Variants in DLGAP2 observed in about 807,000 individuals in gnomAD.
DLGAP2 encodes DLG associated protein 2.
A neutral mutation model predicts 100.3 loss-of-function variants in DLGAP2; 26 were observed. The observed-to-expected ratio is 0.26, with a 90% CI of 0.19 to 0.36. The LOEUF (loss-of-function observed/expected upper bound fraction) is 0.36. DLGAP2 is among the 10% of genes least tolerant of loss of function. The probability of loss-of-function intolerance (pLI) is 1.00; values close to 1 mark genes in which losing one functional copy is unlikely to be tolerated. For missense variants in DLGAP2, 1,858 were observed against 1,453.2 expected, an observed-to-expected ratio of 1.28 and a Z score of -4.53; for synonymous variants, 886 against 630.1, an observed-to-expected ratio of 1.41 and a Z score of -6.08.
At chr8:1,305,652 C>G (rs1800472607) in intron 3 of DLGAP2, among the ~76,000 whole-genome samples, 1 of 152,144 alleles carries the variant, frequency 6.6e-6, no homozygotes, top group Non-Finnish European at 1.5e-5. Flanking sequence ...CACTGAAAAC[C>G]TACCATAAAC....
intron 2 of DLGAP2, among the ~76,000 whole-genome samples, chr8:1,007,667 C>A (rs1248214301): frequency 6.0e-5 from 9 of 150,828 alleles, no homozygotes; most frequent in Non-Finnish European, 1.2e-4. Flanking sequence ...TCAACTGGCT[C>A]TGTCGTCCAT....
chr8:1,303,793 C>G (rs1421715793), intron 3 of DLGAP2, among the ~76,000 whole-genome samples: 2 of 152,164 alleles, frequency 1.3e-5, no homozygotes, highest in African/African-American at 2.4e-5. Flanking sequence ...GCATCCGGTG[C>G]TCGTCCAGCC....
intron 2 of DLGAP2, among the ~76,000 whole-genome samples, chr8:1,239,942 AT>A (rs1798747318): frequency 7.4e-6 from 1 of 135,306 alleles, no homozygotes; most frequent in Admixed American, 7.5e-5. Flanking sequence ...GTTCTCTCAC[AT>A]GTTGCCGTGT....
intron 3 of DLGAP2, among the ~76,000 whole-genome samples, chr8:1,462,834 C>T (rs1284149635): frequency 6.6e-6 from 1 of 152,236 alleles, no homozygotes; most frequent in African/African-American, 2.4e-5. Flanking sequence ...GCGGCGGCTT[C>T]TGATTTCTAG....
At chr8:1,349,868 TAC>T (rs1384656040) in intron 3 of DLGAP2, among the ~76,000 whole-genome samples, 1 of 152,284 alleles carries the variant, frequency 6.6e-6, no homozygotes, top group Non-Finnish European at 1.5e-5. Context: ...GTACCTCAGT[TAC>T]ATTGTATAGA....
intron 2 of DLGAP2, among the ~76,000 whole-genome samples, chr8:1,209,843 A>G (rs1411202756): frequency 2.0e-5 from 3 of 152,146 alleles, no homozygotes; most frequent in Non-Finnish European, 4.4e-5. Flanking sequence ...GGACTCTTCC[A>G]CAGAAGCCAC....
intron 1 of DLGAP2, among the ~76,000 whole-genome samples, chr8:905,881 C>T (rs369566193): frequency 2.5e-3 from 350 of 142,382 alleles, no homozygotes; most frequent in African/African-American, 8.7e-3. Flanking sequence ...CCAATACTGT[C>T]GCCACTGCAC....
chr8:977,834 C>T (rs1293531854), intron 2 of DLGAP2, among the ~76,000 whole-genome samples: 9 of 35,668 alleles, frequency 2.5e-4, no homozygotes, highest in African/African-American at 6.9e-4. Context: ...GTGGGGAGGG[C>T]GTCGGGGATG....
At chr8:1,314,352 G>T (rs547217644) in intron 3 of DLGAP2, among the ~76,000 whole-genome samples, 1 of 152,156 alleles carries the variant, frequency 6.6e-6, no homozygotes, top group Admixed American at 6.6e-5. Context: ...TGATTTTGCC[G>T]TCGCACTGTT....
chr8:1,598,096 G>A (rs972688104), intron 6 of DLGAP2, among the ~76,000 whole-genome samples: 2 of 152,150 alleles, frequency 1.3e-5, no homozygotes, highest in African/African-American at 4.8e-5. Flanking sequence ...TTTATTGCAG[G>A]CCTTCTCTAC....
chr8:1,188,496 C>G (rs1019808951), intron 2 of DLGAP2, among the ~76,000 whole-genome samples: 1 of 124,242 alleles, frequency 8.0e-6, no homozygotes, highest in Non-Finnish European at 1.5e-5. Context: ...GTTTCCCTCA[C>G]GGAATCTCAC....
At chr8:1,364,957 C>G (rs1171849829) in intron 3 of DLGAP2, among the ~76,000 whole-genome samples, 2 of 152,190 alleles carry the variant, frequency 1.3e-5, no homozygotes, top group East Asian at 3.9e-4. Flanking sequence ...AGACTGGGCA[C>G]AGGGCCCCAC....
intron 3 of DLGAP2, among the ~76,000 whole-genome samples, chr8:1,465,036 C>A (rs891492253): frequency 6.6e-6 from 1 of 152,248 alleles, no homozygotes; most frequent in Non-Finnish European, 1.5e-5. Flanking sequence ...TCCCCACCAC[C>A]CAGCAGGTGA....
In DLGAP2 at chr8:856,522, AG is replaced by A. The variant is rs770227643; in HGVS notation, c.19-51389del. Reference sequence around the variant, plus strand: ...TCTTCTGAAACTAATAAACAGTTTTAGCAGGGTTTTAGAATACAGGGTTAAT... The same window carrying A: ...TCTTCTGAAACTAATAAACAGTTTTACAGGGTTTTAGAATACAGGGTTAAT... On this transcript the variant is annotated intron_variant, in intron 1 of 14. Transcript: ENST00000637795. Among the ~76,000 whole-genome samples, 264 of 152,338 alleles carry A rather than the reference AG, an allele frequency of 1.7e-3. 1 individual carries two copies. The highest frequency in any genetic ancestry group is 2.2e-3 in the Non-Finnish European group (149 of 68,034).
At chr8:1,644,513 C>T (rs1797993470) in intron 8 of DLGAP2, among the ~76,000 whole-genome samples, 1 of 152,252 alleles carries the variant, frequency 6.6e-6, no homozygotes, top group Admixed American at 6.5e-5. Context: ...CTTTAAGCCC[C>T]AGCTCAGGAA....
chr8:1,033,357 A>G (rs1205749846), intron 2 of DLGAP2, among the ~76,000 whole-genome samples: 1 of 152,190 alleles, frequency 6.6e-6, no homozygotes, highest in East Asian at 1.9e-4. Flanking sequence ...AAATGGGATG[A>G]ATGAAGAATA....
chr8:1,622,158 T>A (rs1797360953), intron 6 of DLGAP2: 1 of 152,250 alleles, frequency 6.6e-6, no homozygotes, highest in African/African-American at 2.4e-5. Context: ...AATGTCTGTT[T>A]CACTAGCACT....
In DLGAP2 at chr8:1,072,897, C is replaced by G. The variant is rs542790967; in HGVS notation, c.73+164931C>G. 9.0e-4 allele frequency among the ~76,000 whole-genome samples: 137 copies of G among 152,320 alleles called. 1 individual carries two copies. The highest frequency in any genetic ancestry group is 3.1e-3 in the African/African-American group (127 of 41,560). On this transcript the variant is annotated intron_variant, in intron 2 of 14. Transcript: ENST00000637795. ...CGGGGACCCTGTGCCTCTGGGATTT[C>G]TCCCTGCTGGCTGAGACGGAATCTG...
intron 1 of DLGAP2, among the ~76,000 whole-genome samples, chr8:776,411 C>G (rs1390104705): frequency 6.6e-6 from 1 of 151,944 alleles, no homozygotes; most frequent in African/African-American, 2.4e-5. Context: ...TGTGTTTGCT[C>G]TTGCTTTTCT....
Sources: gnomAD v4.1 joint callset for allele counts (sites outside exome capture counted in the v4.1 genomes callset) on GRCh38, gnomAD v4.1.1 for gene constraint, MANE v1.5 for transcripts, NCBI Gene and HGNC (gene_info 2026-07-23, HGNC 2026-07-21) for gene names.